DNAH14: variants seen among roughly 807,000 people sequenced by gnomAD.
The protein encoded by DNAH14 is dynein axonemal heavy chain 14.
A neutral mutation model predicts 520.9 loss-of-function variants in DNAH14; 478 were observed. The ratio of observed to expected loss-of-function variants is 0.92; its 90% confidence interval spans 0.85 to 0.99. DNAH14 has a LOEUF of 0.99. Among genes scored for constraint, DNAH14 ranks in the 50% least tolerant of loss-of-function variants. The pLI is 0.00. For missense variants in DNAH14, 4,831 were observed against 5,234.5 expected, an observed-to-expected ratio of 0.92 and a Z score of 2.38; for synonymous variants, 1,581 against 1,757.2, an observed-to-expected ratio of 0.90 and a Z score of 2.51.
intron 10 of DNAH14, among the ~76,000 whole-genome samples, chr1:225,008,368 A>G (rs1488508254): frequency 2.6e-5 from 4 of 152,182 alleles, no homozygotes; most frequent in African/African-American, 9.7e-5. Context: ...TATTGTGAAT[A>G]GTGCTGCAAT....
At chr1:225,133,232 T>G (rs1212569955) in intron 27 of DNAH14, among the ~76,000 whole-genome samples, 1 of 152,194 alleles carries the variant, frequency 6.6e-6, no homozygotes, top group Non-Finnish European at 1.5e-5. Context: ...TTAGTTCAGT[T>G]AGATCTCATT....
At chr1:225,210,428 C>G (rs79515575) in intron 41 of DNAH14, among the ~76,000 whole-genome samples, 3 of 152,094 alleles carry the variant, frequency 2.0e-5, no homozygotes, top group African/African-American at 7.2e-5. Flanking sequence ...AACACAGCAC[C>G]GCAAAGCCAC....
intron 77 of DNAH14, among the ~76,000 whole-genome samples, chr1:225,373,624 G>C (rs2095647203): frequency 6.6e-6 from 1 of 152,206 alleles, no homozygotes; most frequent in Admixed American, 6.5e-5. Flanking sequence ...GAATGTCTGT[G>C]TAAGGATACA....
chr1:225,315,050 T>C (rs142276163), intron 60 of DNAH14, among the ~76,000 whole-genome samples: 13,071 of 152,156 alleles, frequency 0.086, 633 homozygotes, highest in Middle Eastern at 0.15. Context: ...TTGGTTCCAT[T>C]CTCTCCATCA....
intron 52 of DNAH14, among the ~76,000 whole-genome samples, chr1:225,274,203 T>TTTTTTTTTG (rs2093400023): frequency 8.5e-6 from 1 of 117,802 alleles, no homozygotes; most frequent in African/African-American, 4.2e-5. Flanking sequence ...TGTTATTTTT[T>TTTTTTTTTG]TTTTTTTTTT....
At chr1:224,952,264 G>A (rs2060227960) in intron 1 of DNAH14, among the ~76,000 whole-genome samples, 1 of 152,098 alleles carries the variant, frequency 6.6e-6, no homozygotes, top group African/African-American at 2.4e-5. Context: ...GCCTTTTAGT[G>A]CTTAGTGAAT....
chr1:225,037,501 T>C (rs1403022204), intron 11 of DNAH14, among the ~76,000 whole-genome samples: 1 of 152,218 alleles, frequency 6.6e-6, no homozygotes, highest in African/African-American at 2.4e-5. Flanking sequence ...ACAAACAAGA[T>C]AAGGAGAGTT....
chr1:225,381,057 G>A (rs1302126648), intron 80 of DNAH14, among the ~76,000 whole-genome samples: 1 of 152,154 alleles, frequency 6.6e-6, no homozygotes, highest in Non-Finnish European at 1.5e-5. Flanking sequence ...ACACATAAAT[G>A]TTATATGAAA....
intron 3 of DNAH14, among the ~76,000 whole-genome samples, chr1:224,956,331 A>G (rs2060508132): frequency 6.6e-6 from 1 of 152,164 alleles, no homozygotes; most frequent in Non-Finnish European, 1.5e-5. Context: ...ATTTTGGTCA[A>G]TGATGGACTG....
At chr1:225,156,512 C>A (rs1313074870) in intron 34 of DNAH14, among the ~76,000 whole-genome samples, 3 of 152,052 alleles carry the variant, frequency 2.0e-5, no homozygotes, top group African/African-American at 7.2e-5. Flanking sequence ...GTAACATTTT[C>A]AAATAGTCAC....
At position 225,346,217 on chromosome 1, in the gene DNAH14, A is replaced by G; in HGVS notation, c.10934A>G (p.Lys3645Arg). The G allele has an allele frequency of 6.4e-7, 1 of 1,551,664 alleles. No individual in the cohort carries two copies. The highest frequency in any genetic ancestry group is 8.7e-7 in the Non-Finnish European group (1 of 1,146,974). The change falls in exon 70 of 86, where the codon AAA becomes AGA. Residue 3645 changes from lysine (K) to arginine (R), a missense_variant. Lys to Arg is a conservative substitution (Grantham distance 26). Coordinates refer to ENST00000682510, the MANE Select transcript of DNAH14 (RefSeq NM_001367479.1). ...HQVFVSSVVSKSKEQEHSFKR... is the reference protein window; with the variant it reads ...HQVFVSSVVSRSKEQEHSFKR... Reference sequence around the variant, plus strand: ...GTTTTTGTTTCATCAGTAGTTTCCAAAAGCAAAGAACAAGAACATAGTTTT... The same window carrying G: ...GTTTTTGTTTCATCAGTAGTTTCCAGAAGCAAAGAACAAGAACATAGTTTT...
At chr1:225,337,987 T>G in intron 67 of DNAH14, 74 bp from the exon 68 acceptor site, 1 of 1,427,874 alleles carries the variant, frequency 7.0e-7, no homozygotes, top group South Asian at 1.5e-5. Context: ...TTTAAATGTT[T>G]TATTGCTGCT....
chr1:225,015,594 G>A (rs140865199), intron 10 of DNAH14, among the ~76,000 whole-genome samples: 57 of 152,254 alleles, frequency 3.7e-4, no homozygotes, highest in East Asian at 1.9e-3. Flanking sequence ...TTTGGGAAAT[G>A]TGTGAGAGAA....
At chr1:224,945,773 T>C (rs1167934614) in intron 1 of DNAH14, among the ~76,000 whole-genome samples, 1 of 152,298 alleles carries the variant, frequency 6.6e-6, no homozygotes, top group Non-Finnish European at 1.5e-5. Context: ...CCTGTTTGCC[T>C]GGGTATCAGC....
At chr1:225,039,996 GGT>G (rs1180771527) in intron 12 of DNAH14, among the ~76,000 whole-genome samples, 1 of 144,660 alleles carries the variant, frequency 6.9e-6, no homozygotes, top group Non-Finnish European at 1.5e-5. Flanking sequence ...GGAGTGCTGT[GGT>G]GTGATCTCGA....
intron 68 of DNAH14, among the ~76,000 whole-genome samples, chr1:225,338,579 G>A (rs529173964): frequency 1.3e-5 from 2 of 152,106 alleles, no homozygotes; most frequent in South Asian, 2.1e-4. Context: ...AATATCTAGA[G>A]CAAAAAGAGA....
rs1462642526 is a variant in DNAH14 at position 225,333,485 on chromosome 1, A to C, written c.10059A>C (p.Lys3353Asn). 13 of 1,550,792 alleles carry C rather than the reference A, an allele frequency of 8.4e-6. 1 individual carries two copies. In the East Asian group the frequency reaches 1.2e-4, roughly 15 times the overall value. ...TGTCTTCCAAATTCTCTTTAATTAAAGTTATGGCACAAAAATATGAGGTAA... is the reference window on the plus strand; with the variant it reads ...TGTCTTCCAAATTCTCTTTAATTAACGTTATGGCACAAAAATATGAGGTAA... The part of the protein sequence containing the change: ...ISLSSKFSLI[K>N]VMAQKYEISR... Residue 3353 changes from lysine to asparagine, a missense_variant, in exon 66 of 86, where the codon AAA (lysine) becomes AAC (asparagine). Physicochemically the swap from Lys to Asn is moderately conservative, Grantham distance 94. Coordinates refer to ENST00000682510, the MANE Select transcript of DNAH14 (RefSeq NM_001367479.1).
chr1:225,216,369 T>A (rs2089326349), intron 41 of DNAH14, among the ~76,000 whole-genome samples: 1 of 152,208 alleles, frequency 6.6e-6, no homozygotes, highest in South Asian at 2.1e-4. Flanking sequence ...TGACAGTATG[T>A]GTCTTGGAGT....
At chr1:225,374,910 C>G in intron 78 of DNAH14, 25 bp downstream of exon 78, 3 of 1,497,004 alleles carry the variant, frequency 2.0e-6, no homozygotes, top group Middle Eastern at 1.7e-4. Context: ...AATCTTCTTG[C>G]ATTTCTCGAT....
Sources: gnomAD v4.1 joint callset for allele counts (sites outside exome capture counted in the v4.1 genomes callset) on GRCh38, gnomAD v4.1.1 for gene constraint, MANE v1.5 for transcripts, NCBI Gene and HGNC (gene_info 2026-07-23, HGNC 2026-07-21) for gene names.